FOXO3: variants seen among roughly 807,000 people sequenced by gnomAD.
FOXO3 encodes forkhead box protein O3.
A neutral mutation model predicts 41.9 loss-of-function variants in FOXO3; 4 were observed. The observed-to-expected ratio is 0.10, with a 90% CI of 0.05 to 0.22. The LOEUF (loss-of-function observed/expected upper bound fraction) is 0.22. FOXO3 is among the 10% of genes least tolerant of loss of function. The pLI is 1.00. For synonymous variants in FOXO3, 318 were observed against 389.3 expected (o/e 0.82, Z 2.16); for missense variants, 534 against 906.8 (o/e 0.59, Z 5.28).
intron 1 of FOXO3, among the ~76,000 whole-genome samples, chr6:108,616,574 G>C (rs1261102414): frequency 6.6e-6 from 1 of 152,128 alleles, no homozygotes; most frequent in Non-Finnish European, 1.5e-5. Flanking sequence ...TGGGATTACA[G>C]GTGTGAGCCA....
chr6:108,662,620 G>C (rs571949731), intron 1 of FOXO3, among the ~76,000 whole-genome samples: 2 of 152,230 alleles, frequency 1.3e-5, no homozygotes, highest in Admixed American at 1.3e-4. Context: ...AATTCTCATC[G>C]GTTCTTCATT....
rs139743232 is a variant in FOXO3 at position 108,601,264 on chromosome 6, G to A, written c.621+39435G>A. Among the ~76,000 whole-genome samples, 193 of 151,290 alleles carry A rather than the reference G, an allele frequency of 1.3e-3. 2 individuals carry two copies. In the East Asian group the frequency reaches 0.015, roughly 12 times the overall value. On this transcript the variant is annotated intron_variant, in intron 1 of 2. Coordinates refer to ENST00000406360, the MANE Select transcript of FOXO3 (RefSeq NM_001455.4). ...CCTGACCTTGTGATCCACCCACCTC[G>A]GCCTCCCAAGGTGTCCTAGTGCTTT... is the stretch of plus-strand genomic sequence containing the variant.
chr6:108,659,263 CAAATT>C (rs1015140518), intron 1 of FOXO3, among the ~76,000 whole-genome samples: 11 of 152,222 alleles, frequency 7.2e-5, no homozygotes, highest in South Asian at 2.1e-4. Context: ...ATTTCATAAA[CAAATT>C]AAAATAGTAA....
chr6:108,562,875 C>G (rs1775854045), intron 1 of FOXO3, among the ~76,000 whole-genome samples: 2 of 152,238 alleles, frequency 1.3e-5, no homozygotes, highest in South Asian at 2.1e-4. Context: ...CTTTCCTCTT[C>G]CTAGGCACCT....
Position 108,663,951 on chromosome 6 carries a change from C to G in FOXO3, c.1118C>G (p.Ala373Gly). ...TVELPRLTDM[A>G]GTMNLNDGLT... Reference sequence around the variant, plus strand: ...GAACTGCCACGGCTGACTGATATGGCAGGCACCATGAATCTGAATGATGGG... The same window carrying G: ...GAACTGCCACGGCTGACTGATATGGGAGGCACCATGAATCTGAATGATGGG... Residue 373 changes from alanine to glycine, a missense_variant, in exon 2 of 3, where the codon GCA becomes GGA. Coordinates refer to ENST00000406360, the MANE Select transcript of FOXO3 (RefSeq NM_001455.4). The G allele has an allele frequency of 6.2e-7, 1 of 1,614,202 alleles. No individual in the cohort carries two copies. Among genetic ancestry groups the G allele is most frequent in the Non-Finnish European group, 8.5e-7 (1 of 1,180,036 alleles).
intron 1 of FOXO3, among the ~76,000 whole-genome samples, chr6:108,619,513 T>G (rs890809204): frequency 6.6e-6 from 1 of 152,262 alleles, no homozygotes; most frequent in Non-Finnish European, 1.5e-5. Flanking sequence ...CAGGTTGGAT[T>G]CTTGGATTTA....
At chr6:108,641,501 G>C (rs1262859516) in intron 1 of FOXO3, among the ~76,000 whole-genome samples, 1 of 152,074 alleles carries the variant, frequency 6.6e-6, no homozygotes, top group Non-Finnish European at 1.5e-5. Context: ...CCATTGTAAA[G>C]CTCTGTCTCA....
chr6:108,661,027 T>C (rs936735583), intron 1 of FOXO3, among the ~76,000 whole-genome samples: 7 of 151,842 alleles, frequency 4.6e-5, no homozygotes, highest in Non-Finnish European at 8.8e-5. Flanking sequence ...GCCACTGCAC[T>C]CCAACCTGGG....
chr6:108,567,178 A>G (rs77331947), intron 1 of FOXO3, among the ~76,000 whole-genome samples: 2,437 of 152,194 alleles, frequency 0.016, 66 homozygotes, highest in African/African-American at 0.056. Context: ...CTAGTACTTC[A>G]ACTCTGCTAA....
chr6:108,620,166 A>G (rs1294355362), intron 1 of FOXO3, among the ~76,000 whole-genome samples: 1 of 152,124 alleles, frequency 6.6e-6, no homozygotes, highest in Non-Finnish European at 1.5e-5. Context: ...CTTTTATTAG[A>G]TTTTTGGGTC....
intron 1 of FOXO3, among the ~76,000 whole-genome samples, chr6:108,568,240 T>C (rs1582728914): frequency 6.6e-6 from 1 of 151,080 alleles, no homozygotes; most frequent in East Asian, 2.0e-4. Flanking sequence ...TTAAAGCGTG[T>C]GTTCATACCA....
At chr6:108,614,711 G>T (rs994149777) in intron 1 of FOXO3, among the ~76,000 whole-genome samples, 5 of 148,126 alleles carry the variant, frequency 3.4e-5, no homozygotes, top group East Asian at 3.9e-4. Flanking sequence ...TTGATGTTTT[G>T]GTTTTTTTTT....
intron 1 of FOXO3, among the ~76,000 whole-genome samples, chr6:108,655,158 A>T (rs533644911): frequency 6.6e-6 from 1 of 152,308 alleles, no homozygotes; most frequent in African/African-American, 2.4e-5. Flanking sequence ...ATGCCTGTGC[A>T]TGCTGGGTGG....
At chr6:108,663,422 G>T (rs748553641) in intron 1 of FOXO3, 33 bp from the exon 2 acceptor site, 3 of 1,571,986 alleles carry the variant, frequency 1.9e-6, no homozygotes, top group South Asian at 1.2e-5. Context: ...GACCATTCTG[G>T]TTCATACTCT....
At chr6:108,652,785 G>A (rs970607932) in intron 1 of FOXO3, among the ~76,000 whole-genome samples, 1 of 152,210 alleles carries the variant, frequency 6.6e-6, no homozygotes, top group Non-Finnish European at 1.5e-5. Context: ...TTGTTACCTA[G>A]GTGCTTGTGT....
In FOXO3 at chr6:108,571,207, G is replaced by A. The variant is rs56776887; in HGVS notation, c.621+9378G>A. 9.4e-3 allele frequency among the ~76,000 whole-genome samples: 1,428 copies of A among 152,278 alleles called. 22 individuals carry two copies. Among genetic ancestry groups the A allele is most frequent in the African/African-American group, 0.033 (1,354 of 41,542 alleles). On this transcript the variant is annotated intron_variant, in intron 1 of 2. Transcript: ENST00000406360. ...GCTCTCAGGTAAGAGAGAAAGGTAA[G>A]GTAAAAAGTAAGAACAACATTATTT...
At chr6:108,640,670 A>G (rs914713669) in intron 1 of FOXO3, among the ~76,000 whole-genome samples, 1 of 152,166 alleles carries the variant, frequency 6.6e-6, no homozygotes, top group Non-Finnish European at 1.5e-5. Flanking sequence ...TCACAATTTC[A>G]TATGTACAAT....
At position 108,674,776 on chromosome 6, in the gene FOXO3, C is replaced by T. The variant is rs561647952; in HGVS notation, c.*35-5051C>T. Among the ~76,000 whole-genome samples, 4 of 152,206 alleles carry T rather than the reference C, an allele frequency of 2.6e-5. No individual in the cohort carries two copies. In the East Asian group the frequency reaches 5.8e-4, roughly 22 times the overall value. Reference sequence around the variant, plus strand: ...ATGGATGAGGACAGTGGAACCTGATCCCACAGGCCTTTACCAGCTAAGGGT... The same window carrying T: ...ATGGATGAGGACAGTGGAACCTGATTCCACAGGCCTTTACCAGCTAAGGGT... On this transcript the variant is annotated intron_variant, in intron 2 of 2. Transcript: ENST00000406360.
At chr6:108,673,663 T>G (rs981875582) in intron 2 of FOXO3, among the ~76,000 whole-genome samples, 1 of 152,204 alleles carries the variant, frequency 6.6e-6, no homozygotes, top group Non-Finnish European at 1.5e-5. Flanking sequence ...AGCTAAACCC[T>G]GAGATGGACT....
Sources: allele counts gnomAD v4.1 joint callset (sites outside exome capture counted in the v4.1 genomes callset), GRCh38; gene constraint gnomAD v4.1.1; transcripts MANE v1.5; gene names NCBI Gene and HGNC (gene_info 2026-07-23, HGNC 2026-07-21).